AGAP1: variants seen among roughly 807,000 people sequenced by gnomAD.
The protein encoded by AGAP1 is ArfGAP with GTPase domain, ankyrin repeat and PH domain 1, also known as arf-GAP with GTPase, ANK repeat and PH domain-containing protein 1.
In AGAP1, 29 loss-of-function variants were observed where a neutral mutation model predicts 105.3. That is an observed-to-expected ratio of 0.28 (90% CI 0.21 to 0.38). The LOEUF is 0.38. AGAP1 is among the 10% of genes least tolerant of loss of function. The pLI, the probability that AGAP1 is intolerant of heterozygous loss-of-function variation, is 1.00. For synonymous variants in AGAP1, 509 were observed against 485.9 expected, an observed-to-expected ratio of 1.05 and a Z score of -0.63; for missense variants, 998 against 1,165.1, an observed-to-expected ratio of 0.86 and a Z score of 2.09.
intron 1 of AGAP1, chr2:235,505,794 G>C (rs1941777292): frequency 6.6e-6 from 1 of 152,200 alleles, no homozygotes. Flanking sequence ...AGCCTGGGAA[G>C]AGCGGGGTAG....
At position 235,754,977 on chromosome 2, in the gene AGAP1, G is replaced by A. The variant is rs113214760; in HGVS notation, c.673+4489G>A. ...TCACAGGCGAGTTTGTGTGGCTTGC[G>A]GGGCTGGGTGAGCTGGTTCCACAAG... On this transcript the variant is annotated intron_variant, in intron 6 of 17. Coordinates refer to ENST00000304032, the MANE Select transcript of AGAP1 (RefSeq NM_001037131.3). The surrounding 1 kb of genome is among the most constrained non-coding windows in gnomAD (Gnocchi z 4.6). 5.9e-5 allele frequency among the ~76,000 whole-genome samples: 9 copies of A among 152,364 alleles called. No individual in the cohort carries two copies. Among genetic ancestry groups the A allele is most frequent in the African/African-American group, 2.2e-4 (9 of 41,588 alleles).
chr2:235,509,173 T>C (rs372828038), intron 1 of AGAP1, among the ~76,000 whole-genome samples: 4 of 152,336 alleles, frequency 2.6e-5, no homozygotes, highest in African/African-American at 7.2e-5. Flanking sequence ...GGAATGCTTT[T>C]TCTACACTTA....
intron 9 of AGAP1, among the ~76,000 whole-genome samples, chr2:235,857,604 A>C (rs10202922): frequency 1.3e-5 from 2 of 152,012 alleles, no homozygotes; most frequent in African/African-American, 2.4e-5. Flanking sequence ...GATGCATTGC[A>C]TGTCACATGT....
rs1292082156 is a variant in AGAP1 at position 235,606,178 on chromosome 2, T to C, written c.164-103001T>C. On this transcript the variant is annotated intron_variant, in intron 1 of 17. Transcript: ENST00000304032. ...TAAGGCATCTGCTCTGGCCAGTGGC[T>C]TGCGTTCCATTGGTCACCCTTGGCA... 6.6e-5 allele frequency among the ~76,000 whole-genome samples: 10 copies of C among 152,358 alleles called. No individual in the cohort carries two copies. The South Asian group carries it at 1.0e-3, about 16-fold the overall frequency.
rs2049148198 is a variant in AGAP1 at position 235,865,945 on chromosome 2, T to A, written c.1051-17400T>A. ...CACACAACGAATGATTTCTATGTTATCGATTTACTTCTTTCACTTAACGGC... is the reference window on the plus strand; with the variant it reads ...CACACAACGAATGATTTCTATGTTAACGATTTACTTCTTTCACTTAACGGC... On this transcript the variant is annotated intron_variant, in intron 9 of 17. Coordinates refer to ENST00000304032, the MANE Select transcript of AGAP1 (RefSeq NM_001037131.3). The surrounding 1 kb of genome is among the most constrained non-coding windows in gnomAD (Gnocchi z 6.2). Among the ~76,000 whole-genome samples the A allele has an allele frequency of 6.6e-6, 1 of 152,196 alleles. No individual in the cohort carries two copies. Among genetic ancestry groups the A allele is most frequent in the African/African-American group, 2.4e-5 (1 of 41,444 alleles).
rs372265651 is a variant in AGAP1, at chr2:235,964,988, C to G, written c.1484-3474C>G. On this transcript the variant is annotated intron_variant, in intron 12 of 17. Coordinates refer to ENST00000304032, the MANE Select transcript of AGAP1 (RefSeq NM_001037131.3). This position sits in a 1 kb window ranked among gnomAD's most constrained non-coding sequence, Gnocchi z 4.6. ...GGGAAGTGTCTTATTTAAACCTGCC[C>G]GCTCCCACCTCTGCAGTTCCACCAC... 5.2e-4 allele frequency among the ~76,000 whole-genome samples: 79 copies of G among 152,242 alleles called. No individual in the cohort carries two copies. The highest frequency in any genetic ancestry group is 1.9e-3 in the African/African-American group (78 of 41,536).
At chr2:235,800,047 A>C (rs930426221) in intron 8 of AGAP1, among the ~76,000 whole-genome samples, 1 of 150,990 alleles carries the variant, frequency 6.6e-6, no homozygotes, top group Non-Finnish European at 1.5e-5. Context: ...GAGATGAGCT[A>C]TCTGGGTTCA....
In AGAP1 at chr2:235,888,760, G is replaced by A. The variant is rs1375808797; in HGVS notation, c.1155+5311G>A. 6.6e-6 allele frequency among the ~76,000 whole-genome samples: 1 copy of A among 151,700 alleles called. No individual in the cohort carries two copies. The highest frequency in any genetic ancestry group is 1.5e-5 in the Non-Finnish European group (1 of 67,964). Reference sequence around the variant, plus strand: ...GTACAGCATTTGTTGCTGTCGGGTAGAGCGGCCACCCACTGCCCCAGCCTT... The same window carrying A: ...GTACAGCATTTGTTGCTGTCGGGTAAAGCGGCCACCCACTGCCCCAGCCTT... On this transcript the variant is annotated intron_variant, in intron 10 of 17. Coordinates refer to ENST00000304032, the MANE Select transcript of AGAP1 (RefSeq NM_001037131.3). This position sits in a 1 kb window ranked among gnomAD's most constrained non-coding sequence, Gnocchi z 4.8.
rs1453869806 is a variant in AGAP1 at position 235,753,843 on chromosome 2, C to CT, written c.673+3358dup. Reference sequence around the variant, plus strand: ...AACATTTTTAAAATAAAATCAGTTACTTTGTATATTTTATATCATAGTTAT... The same window carrying CT: ...AACATTTTTAAAATAAAATCAGTTACTTTTGTATATTTTATATCATAGTTAT... On this transcript the variant is annotated intron_variant, in intron 6 of 17. Transcript: ENST00000304032. This position sits in a 1 kb window ranked among gnomAD's most constrained non-coding sequence, Gnocchi z 4.5. Among the ~76,000 whole-genome samples, 1 of 151,844 alleles carries CT rather than the reference C, an allele frequency of 6.6e-6. No individual in the cohort carries two copies. Among genetic ancestry groups the CT allele is most frequent in the Non-Finnish European group, 1.5e-5 (1 of 67,988 alleles).
intron 1 of AGAP1, among the ~76,000 whole-genome samples, chr2:235,524,027 G>A (rs542360225): frequency 2.4e-4 from 36 of 152,176 alleles, no homozygotes; most frequent in Non-Finnish European, 4.7e-4. Context: ...GATTGTGCCC[G>A]GCTTCCCCAT....
intron 1 of AGAP1, among the ~76,000 whole-genome samples, chr2:235,657,384 G>A (rs1323077426): frequency 6.6e-6 from 1 of 152,058 alleles, no homozygotes. Context: ...TGTTGTTGTT[G>A]TTATTATTAT....
intron 3 of AGAP1, among the ~76,000 whole-genome samples, chr2:235,726,614 C>G (rs1951660922): frequency 1.3e-5 from 2 of 152,324 alleles, no homozygotes; most frequent in South Asian, 4.1e-4. Context: ...TGGCCTTGAT[C>G]ACGCCATCTC....
chr2:235,573,021 C>CT (rs1408758355), intron 1 of AGAP1, among the ~76,000 whole-genome samples: 542 of 19,276 alleles, frequency 0.028, 68 homozygotes, highest in African/African-American at 0.14. Flanking sequence ...TCTTCTTCTT[C>CT]TTCTTCTTCT....
Position 235,815,858 on chromosome 2 carries a change from C to T in AGAP1, c.1050+8527C>T, listed in dbSNP as rs182415953. On this transcript the variant is annotated intron_variant, in intron 9 of 17. Coordinates refer to ENST00000304032, the MANE Select transcript of AGAP1 (RefSeq NM_001037131.3). Reference sequence around the variant, plus strand: ...CCAGGTGCGTAGCTCTCACTCTGTGCAGTGCGTTTTACAGCTGTTGAGGCC... The same window carrying T: ...CCAGGTGCGTAGCTCTCACTCTGTGTAGTGCGTTTTACAGCTGTTGAGGCC... 1.7e-4 allele frequency among the ~76,000 whole-genome samples: 26 copies of T among 152,308 alleles called. No individual in the cohort carries two copies. The East Asian group carries it at 4.5e-3, about 26-fold the overall frequency.
chr2:235,823,881 C>T (rs1958935426), intron 9 of AGAP1, among the ~76,000 whole-genome samples: 1 of 152,120 alleles, frequency 6.6e-6, no homozygotes, highest in South Asian at 2.1e-4. Flanking sequence ...CATTGATTCC[C>T]AGCAGTCCTG....
At chr2:235,933,840 A>T (rs2125169836) in intron 12 of AGAP1, among the ~76,000 whole-genome samples, 1 of 152,232 alleles carries the variant, frequency 6.6e-6, no homozygotes, top group East Asian at 1.9e-4. Flanking sequence ...CTTTCTAAGG[A>T]TTAATAGTAT....
At chr2:235,935,063 T>C (rs1471260600) in intron 12 of AGAP1, among the ~76,000 whole-genome samples, 1 of 152,156 alleles carries the variant, frequency 6.6e-6, no homozygotes, top group African/African-American at 2.4e-5. Context: ...GCTGCTTAAA[T>C]TAAGGGAAGA....
In AGAP1 at chr2:236,020,672, C is replaced by T. The variant is rs371687020; in HGVS notation, c.1646-15889C>T. 3.9e-5 allele frequency among the ~76,000 whole-genome samples: 6 copies of T among 152,314 alleles called. No homozygotes were observed. Among genetic ancestry groups the T allele is most frequent in the Admixed American group, 2.6e-4 (4 of 15,300 alleles). On this transcript the variant is annotated intron_variant, in intron 13 of 17. Coordinates refer to ENST00000304032, the MANE Select transcript of AGAP1 (RefSeq NM_001037131.3). The surrounding 1 kb of genome is among the most constrained non-coding windows in gnomAD (Gnocchi z 5.0). ...ATGAAGTGAAGCCTGTGAAGTGCTT[C>T]CCACAGAGCTGGGCACATAGGGAAG...
intron 6 of AGAP1, among the ~76,000 whole-genome samples, chr2:235,764,316 CCG>C (rs1170336017): frequency 1.3e-5 from 2 of 152,126 alleles, no homozygotes; most frequent in African/African-American, 4.8e-5. Flanking sequence ...TGCACAGAAA[CCG>C]ATTTTCAGGG....
Sources: gnomAD v4.1 joint callset for allele counts (sites outside exome capture counted in the v4.1 genomes callset) on GRCh38, gnomAD v4.1.1 for gene constraint, Gnocchi (gnomAD v3.1) non-coding constraint, MANE v1.5 for transcripts, NCBI Gene and HGNC (gene_info 2026-07-23, HGNC 2026-07-21) for gene names.